The following CNTN5 variants were observed in gnomAD, a reference collection of about 807,000 sequenced individuals.
CNTN5 encodes contactin 5.
In CNTN5, 77 loss-of-function variants were observed where a neutral mutation model predicts 129.1. That is an observed-to-expected ratio of 0.60 (90% CI 0.50 to 0.72). The LOEUF is 0.72. Among genes scored for constraint, CNTN5 ranks in the 30% least tolerant of loss-of-function variants. CNTN5 has a pLI of 0.00. For synonymous variants in CNTN5, 509 were observed against 465.6 expected, an observed-to-expected ratio of 1.09 and a Z score of -1.20; for missense variants, 1,478 against 1,328.8, an observed-to-expected ratio of 1.11 and a Z score of -1.75.
intron 7 of CNTN5, among the ~76,000 whole-genome samples, chr11:99,934,758 A>G (rs2136087996): frequency 6.6e-6 from 1 of 151,356 alleles, no homozygotes; most frequent in South Asian, 2.1e-4. Context: ...GGTGGTATGC[A>G]CCTGTAGTCA....
At chr11:99,483,342 T>C (rs1052972255) in intron 2 of CNTN5, among the ~76,000 whole-genome samples, 9 of 152,166 alleles carry the variant, frequency 5.9e-5, no homozygotes, top group Non-Finnish European at 1.3e-4. Context: ...GGCCTGCTAG[T>C]ACTTGAGAGG....
At chr11:100,038,589 T>A (rs866721683) in intron 9 of CNTN5, among the ~76,000 whole-genome samples, 3 of 152,098 alleles carry the variant, frequency 2.0e-5, no homozygotes, top group Non-Finnish European at 4.4e-5. Context: ...CCCATTATTA[T>A]TGTGTGGGAG....
intron 2 of CNTN5, among the ~76,000 whole-genome samples, chr11:99,389,799 T>C (rs1473046410): frequency 1.3e-5 from 2 of 152,204 alleles, no homozygotes; most frequent in Non-Finnish European, 2.9e-5. Flanking sequence ...TTAAATTAAT[T>C]TGGAAACTTA....
At chr11:100,275,204 A>G (rs1214687600) in intron 18 of CNTN5, among the ~76,000 whole-genome samples, 1 of 152,108 alleles carries the variant, frequency 6.6e-6, no homozygotes, top group Admixed American at 6.6e-5. Flanking sequence ...TTTTTCTGCT[A>G]CCTTTTCAAT....
intron 9 of CNTN5, among the ~76,000 whole-genome samples, chr11:100,024,253 C>G (rs1227605631): frequency 1.3e-5 from 2 of 152,170 alleles, no homozygotes; most frequent in Non-Finnish European, 2.9e-5. Context: ...CTCTTTCCTG[C>G]CACCTTGTGA....
intron 1 of CNTN5, among the ~76,000 whole-genome samples, chr11:99,191,723 C>T (rs766121844): frequency 2.6e-5 from 4 of 151,218 alleles, no homozygotes; most frequent in Non-Finnish European, 5.9e-5. Context: ...ACCAATGAGT[C>T]GATAAAGAAT....
At chr11:99,252,281 T>A (rs1862146340) in intron 1 of CNTN5, among the ~76,000 whole-genome samples, 2 of 151,956 alleles carry the variant, frequency 1.3e-5, no homozygotes, top group Non-Finnish European at 2.9e-5. Context: ...AGGCCAGGTA[T>A]CCTTGAGTTC....
chr11:99,779,957 C>T (rs541399396), intron 3 of CNTN5, among the ~76,000 whole-genome samples: 6 of 151,944 alleles, frequency 3.9e-5, no homozygotes, highest in South Asian at 4.2e-4. Flanking sequence ...TGTTCCATGG[C>T]GCAATGATCC....
intron 1 of CNTN5, among the ~76,000 whole-genome samples, chr11:99,323,695 A>G (rs1222611033): frequency 6.6e-6 from 1 of 152,144 alleles, no homozygotes; most frequent in Non-Finnish European, 1.5e-5. Context: ...AGATGAAAAA[A>G]ACATAACTTG....
intron 1 of CNTN5, among the ~76,000 whole-genome samples, chr11:99,201,048 A>G (rs1859154056): frequency 1.6e-5 from 1 of 60,680 alleles, no homozygotes; most frequent in Admixed American, 2.8e-4. Flanking sequence ...TTTTTTTTCC[A>G]GAGTCTTGAC....
At position 100,299,345 on chromosome 11, in the gene CNTN5, A is replaced by G; in HGVS notation, c.2569A>G (p.Lys857Glu). Residue 857 changes from lysine (K) to glutamate (E), a missense_variant, in exon 20 of 25, where the codon AAA becomes GAA. Transcript: ENST00000524871. ...AGTGAAAGTTGGCGTTTATAACAAT[A>G]AAGGAGATGGGCCTTTTAGTCAAAT... ...FEVKVGVYNN[K>E]GDGPFSQIVV... The G allele has an allele frequency of 6.2e-7, 1 of 1,610,258 alleles. No individual in the cohort carries two copies.
intron 6 of CNTN5, among the ~76,000 whole-genome samples, chr11:99,848,260 T>A (rs889914716): frequency 4.6e-5 from 7 of 152,200 alleles, no homozygotes; most frequent in African/African-American, 1.7e-4. Flanking sequence ...TCCTTTACAT[T>A]GAGATTTTCT....
intron 16 of CNTN5, among the ~76,000 whole-genome samples, chr11:100,251,439 A>G (rs2138712425): frequency 6.6e-6 from 1 of 152,238 alleles, no homozygotes; most frequent in South Asian, 2.1e-4. Flanking sequence ...AACATTCAAT[A>G]TCCTCATTCT....
intron 6 of CNTN5, among the ~76,000 whole-genome samples, chr11:99,907,343 G>A (rs1949536010): frequency 6.6e-6 from 1 of 151,984 alleles, no homozygotes; most frequent in South Asian, 2.1e-4. Context: ...TAGGCATTTA[G>A]GTATAGTGCT....
At chr11:99,572,549 G>T (rs889217464) in intron 3 of CNTN5, among the ~76,000 whole-genome samples, 1 of 152,040 alleles carries the variant, frequency 6.6e-6, no homozygotes, top group Non-Finnish European at 1.5e-5. Flanking sequence ...TTTCAAGAAG[G>T]TTCATGTCAA....
intron 3 of CNTN5, among the ~76,000 whole-genome samples, chr11:99,569,205 A>G (rs1228309776): frequency 2.6e-5 from 4 of 152,360 alleles, no homozygotes; most frequent in African/African-American, 9.6e-5. Flanking sequence ...ATAAGAATAG[A>G]TAAAATATCT....
chr11:99,631,326 T>A (rs1235926316), intron 3 of CNTN5, among the ~76,000 whole-genome samples: 1 of 152,108 alleles, frequency 6.6e-6, no homozygotes, highest in African/African-American at 2.4e-5. Flanking sequence ...TAATGAGCCA[T>A]TTATGTACAG....
At chr11:99,074,690 A>G (rs776847644) in intron 1 of CNTN5, among the ~76,000 whole-genome samples, 13 of 152,142 alleles carry the variant, frequency 8.5e-5, no homozygotes, top group Non-Finnish European at 1.8e-4. Context: ...TGTTTACATC[A>G]TGCATTTTTT....
intron 17 of CNTN5, among the ~76,000 whole-genome samples, chr11:100,259,951 A>C (rs1654251865): frequency 3.3e-5 from 5 of 152,164 alleles, no homozygotes. Flanking sequence ...AGACCACAAT[A>C]GAAATGAAGG....
Sources: allele counts gnomAD v4.1 joint callset (sites outside exome capture counted in the v4.1 genomes callset), GRCh38; gene constraint gnomAD v4.1.1; transcripts MANE v1.5; gene names NCBI Gene and HGNC (gene_info 2026-07-23, HGNC 2026-07-21).